Variants in NAV2 observed in about 807,000 individuals in gnomAD.
The protein encoded by NAV2 is helicase, APC down-regulated 1.
Under a neutral mutation model 223.2 loss-of-function variants are expected in NAV2, and 54 were observed. That is an observed-to-expected ratio of 0.24 (90% confidence interval 0.19 to 0.30). The LOEUF (loss-of-function observed/expected upper bound fraction) is 0.30, where lower values mean the gene tolerates loss of function less well. Ranked by LOEUF, NAV2 falls within the 10% of genes least tolerant of loss-of-function variation. The pLI is 1.00. For missense variants in NAV2, 2,806 were observed against 3,147.5 expected, an observed-to-expected ratio of 0.89 and a Z score of 2.60; for synonymous variants, 1,279 against 1,239.3, an observed-to-expected ratio of 1.03 and a Z score of -0.67.
chr11:20,101,184 A>C lies in NAV2; in HGVS notation c.6417+12A>C. 1 of 1,599,010 alleles carries C rather than the reference A, an allele frequency of 6.3e-7. No homozygotes were observed. Among genetic ancestry groups the C allele is most frequent in the Non-Finnish European group, 8.6e-7 (1 of 1,167,386 alleles). On this transcript the variant is annotated intron_variant, in intron 32 of 37. Transcript: ENST00000349880. Reference sequence around the variant, plus strand: ...ATAAGTCCAGCAAGGTGAGGAGGTCATTCTGAGTCTGCTGTATTTTTTGGC... The same window carrying C: ...ATAAGTCCAGCAAGGTGAGGAGGTCCTTCTGAGTCTGCTGTATTTTTTGGC...
intron 31 of NAV2, 134 bp from the exon 32 acceptor site, chr11:20,100,803 G>A (rs778442957): frequency 1.5e-6 from 1 of 679,452 alleles, no homozygotes; most frequent in Non-Finnish European, 2.6e-6. Context: ...GTGTTCCTGG[G>A]TGTGCAGGAG....
intron 1 of NAV2, among the ~76,000 whole-genome samples, chr11:19,813,596 G>A (rs1200370965): frequency 6.6e-6 from 1 of 152,158 alleles, no homozygotes; most frequent in East Asian, 1.9e-4. Flanking sequence ...AGTGGGTTGG[G>A]GTAACATAAG....
intron 3 of NAV2, among the ~76,000 whole-genome samples, chr11:19,854,109 T>C (rs1284565547): frequency 6.6e-6 from 1 of 152,214 alleles, no homozygotes; most frequent in African/African-American, 2.4e-5. Flanking sequence ...GTGTGGATTG[T>C]GGTTTATATA....
At position 19,946,426 on chromosome 11, in the gene NAV2, G is replaced by C; in HGVS notation, c.2172G>C (p.Leu724=). The C allele has an allele frequency of 6.2e-7, 1 of 1,613,270 alleles. No homozygotes were observed. The highest frequency in any genetic ancestry group is 8.5e-7 in the Non-Finnish European group (1 of 1,179,738). The change falls in exon 9 of 38, where the codon CTG becomes CTC. Residue 724 remains leucine, a synonymous_variant. Transcript: ENST00000349880. ...GGGAAGATCCTGAGGCTCGGCGGCT[G>C]CGGACAGTGAAGAACATCGCTGATC... ...LTGEDPEARR[L]RTVKNIADLR...
intron 1 of NAV2, among the ~76,000 whole-genome samples, chr11:19,731,548 G>A (rs1210584438): frequency 6.6e-6 from 1 of 152,230 alleles, no homozygotes; most frequent in Non-Finnish European, 1.5e-5. Flanking sequence ...TGGGTAGGTG[G>A]CAGGGGTTGT....
chr11:19,458,601 C>A (rs1359445909), intron 1 of NAV2, among the ~76,000 whole-genome samples: 7 of 152,184 alleles, frequency 4.6e-5, no homozygotes, highest in Non-Finnish European at 1.0e-4. Flanking sequence ...CTCATGATGA[C>A]CACCTTTTAT....
At chr11:19,368,550 C>A (rs1848366334) in intron 1 of NAV2, among the ~76,000 whole-genome samples, 1 of 152,092 alleles carries the variant, frequency 6.6e-6, no homozygotes, top group African/African-American at 2.4e-5. Context: ...TAATCCCAGC[C>A]CTTTATCCCT....
chr11:19,369,497 G>T (rs1475350995), intron 1 of NAV2, among the ~76,000 whole-genome samples: 1 of 152,078 alleles, frequency 6.6e-6, no homozygotes. Flanking sequence ...TCTTTAACCA[G>T]GCCTGTTCAT....
At chr11:19,623,246 G>T (rs1230191604) in intron 1 of NAV2, among the ~76,000 whole-genome samples, 1 of 152,084 alleles carries the variant, frequency 6.6e-6, no homozygotes, top group African/African-American at 2.4e-5. Context: ...ATGTGTCTTG[G>T]AGTTGCTCTT....
At chr11:19,646,067 G>T (rs1273940443) in intron 1 of NAV2, among the ~76,000 whole-genome samples, 1 of 152,194 alleles carries the variant, frequency 6.6e-6, no homozygotes, top group Non-Finnish European at 1.5e-5. Context: ...TGATGAAAAT[G>T]CCTGGCACTG....
intron 1 of NAV2, chr11:19,760,114 G>A (rs1184176504): frequency 1.3e-5 from 2 of 152,514 alleles, no homozygotes; most frequent in African/African-American, 4.8e-5. Context: ...TTAAGTGAGA[G>A]TTCCAGCAGA....
intron 1 of NAV2, among the ~76,000 whole-genome samples, chr11:19,804,179 A>G (rs992280129): frequency 1.3e-5 from 2 of 152,176 alleles, no homozygotes; most frequent in African/African-American, 4.8e-5. Context: ...TTAAAAATAG[A>G]TAATGTTCAT....
intron 6 of NAV2, among the ~76,000 whole-genome samples, chr11:19,910,114 A>G (rs1401554883): frequency 3.3e-5 from 5 of 152,180 alleles, no homozygotes; most frequent in Non-Finnish European, 7.3e-5. Context: ...GTCAGTAGTA[A>G]CATCTCCATT....
chr11:20,107,830 C>T (rs74459757), intron 36 of NAV2, 48 bp downstream of exon 36: 91,718 of 1,296,204 alleles, frequency 0.071, 3,621 homozygotes, highest in Non-Finnish European at 0.081. Context: ...GGGGACTGTT[C>T]TGGTGACCAG....
At chr11:19,907,485 G>C (rs1389248754) in intron 6 of NAV2, among the ~76,000 whole-genome samples, 1 of 151,688 alleles carries the variant, frequency 6.6e-6, no homozygotes, top group Middle Eastern at 3.2e-3. Flanking sequence ...TCTTAGAAAT[G>C]TCACTTATTG....
At chr11:19,367,289 C>T in intron 1 of NAV2, among the ~76,000 whole-genome samples, 1 of 152,206 alleles carries the variant, frequency 6.6e-6, no homozygotes, top group East Asian at 1.9e-4. Flanking sequence ...CACTTACCCA[C>T]TGGGTTGGGA....
Position 20,097,560 on chromosome 11 carries a change from T to C in NAV2, c.6013-17T>C. The C allele has an allele frequency of 1.9e-6, 3 of 1,558,498 alleles. No homozygotes were observed. The highest frequency in any genetic ancestry group is 2.6e-6 in the Non-Finnish European group (3 of 1,157,010). ...AGCCACATCTTTGATGGGGTCTTTA[T>C]TTTTTATTTTTTCCAGGAATACATC... On this transcript the variant is annotated splice_polypyrimidine_tract_variant and intron_variant, in intron 30 of 37. Coordinates refer to ENST00000349880, the MANE Select transcript of NAV2 (RefSeq NM_145117.5).
intron 10 of NAV2, among the ~76,000 whole-genome samples, chr11:19,981,874 A>G (rs567621368): frequency 1.3e-5 from 2 of 152,328 alleles, no homozygotes; most frequent in South Asian, 2.1e-4. Context: ...TGCTTGTCAT[A>G]TGTCTTAAAT....
intron 28 of NAV2, among the ~76,000 whole-genome samples, 177 bp downstream of exon 28, chr11:20,092,545 T>A (rs1028139586): frequency 6.6e-6 from 1 of 152,176 alleles, no homozygotes; most frequent in Admixed American, 6.5e-5. Context: ...AGCCCAGCCG[T>A]TAGACTGCTC....
Sources: gnomAD v4.1 joint callset for allele counts (sites outside exome capture counted in the v4.1 genomes callset) on GRCh38, gnomAD v4.1.1 for gene constraint, MANE v1.5 for transcripts, NCBI Gene and HGNC (gene_info 2026-07-23, HGNC 2026-07-21) for gene names.